LRP1B: variants seen among roughly 807,000 people sequenced by gnomAD.
The protein encoded by LRP1B is LDL receptor related protein 1B.
In LRP1B, 217 loss-of-function variants were observed where a neutral mutation model predicts 556.6. The observed-to-expected ratio is 0.39, with a 90% confidence interval of 0.35 to 0.44. The LOEUF is 0.44. LRP1B is among the 20% of genes least tolerant of loss of function. The probability of loss-of-function intolerance (pLI) is 1.00; values close to 1 mark genes in which losing one functional copy is unlikely to be tolerated. For missense variants in LRP1B, 5,053 were observed against 5,620.8 expected (o/e 0.90, Z 3.23); for synonymous variants, 2,047 against 1,865.8 (o/e 1.10, Z -2.50).
Position 140,525,908 on chromosome 2 carries a change from C to A in LRP1B, c.7962G>T (p.Leu2654=), listed in dbSNP as rs1446193549. 6.2e-7 allele frequency: 1 copy of A among 1,612,372 alleles called. No individual in the cohort carries two copies. The highest frequency in any genetic ancestry group is 1.1e-5 in the South Asian group (1 of 91,046). ...TAGACCCGTCGCATATCCAGGTTGG[C>A]AGAACACACAGTGAGGTAGAATTAC... ...IRCNSTSLCV[L]PTWICDGSND... Residue 2654 remains leucine (L), a synonymous_variant, in exon 49 of 91, where the codon CTG becomes CTT. Transcript: ENST00000389484.
At chr2:141,549,898 G>C (rs1685688372) in intron 2 of LRP1B, among the ~76,000 whole-genome samples, 2 of 152,154 alleles carry the variant, frequency 1.3e-5, no homozygotes, top group African/African-American at 4.8e-5. Flanking sequence ...AGGAGGCTGA[G>C]GCAGGAGAAT....
chr2:140,376,008 C>T (rs1013510137), intron 68 of LRP1B, among the ~76,000 whole-genome samples: 1 of 149,894 alleles, frequency 6.7e-6, no homozygotes, highest in East Asian at 1.9e-4. Flanking sequence ...TTTCTAGCCA[C>T]TTGTTCAGTT....
At chr2:140,466,312 G>A (rs543025569) in intron 60 of LRP1B, among the ~76,000 whole-genome samples, 64 of 152,054 alleles carry the variant, frequency 4.2e-4, no homozygotes, top group Middle Eastern at 6.8e-3. Context: ...AACATGCTGA[G>A]ATCTAGATTC....
chr2:140,993,946 C>A (rs2105358519), intron 16 of LRP1B, 49 bp downstream of exon 16: 2 of 1,591,798 alleles, frequency 1.3e-6, no homozygotes, highest in South Asian at 2.2e-5. Flanking sequence ...TTCACACACT[C>A]AAAGACTCAG....
At chr2:140,785,515 A>C (rs535703627) in intron 32 of LRP1B, among the ~76,000 whole-genome samples, 1 of 152,278 alleles carries the variant, frequency 6.6e-6, no homozygotes, top group South Asian at 2.1e-4. Flanking sequence ...AAGTCAAATA[A>C]TATCTACAAC....
intron 3 of LRP1B, among the ~76,000 whole-genome samples, chr2:141,378,425 G>C (rs768486679): frequency 3.9e-5 from 6 of 152,268 alleles, no homozygotes; most frequent in Middle Eastern, 6.8e-3. Flanking sequence ...TATAATTAAA[G>C]AGCACATGGT....
At chr2:140,287,869 TTTTAA>T (rs777852944) in intron 84 of LRP1B, among the ~76,000 whole-genome samples, 6 of 150,330 alleles carry the variant, frequency 4.0e-5, no homozygotes, top group Non-Finnish European at 5.9e-5. Flanking sequence ...TGACGTTACA[TTTTAA>T]TTTAACTTTG....
intron 2 of LRP1B, among the ~76,000 whole-genome samples, chr2:141,745,021 C>T (rs192614693): frequency 3.1e-4 from 47 of 152,270 alleles, no homozygotes; most frequent in Admixed American, 1.5e-3. Context: ...GTTCTTTTCT[C>T]TTACTTTCTC....
chr2:141,265,848 T>A (rs1430319977), intron 3 of LRP1B, among the ~76,000 whole-genome samples: 2 of 152,216 alleles, frequency 1.3e-5, no homozygotes, highest in African/African-American at 4.8e-5. Flanking sequence ...AATACAGCTA[T>A]CTGTTAAAAA....
chr2:141,107,885 G>A (rs1338546543), intron 7 of LRP1B, among the ~76,000 whole-genome samples: 1 of 152,000 alleles, frequency 6.6e-6, no homozygotes, highest in African/African-American at 2.4e-5. Context: ...CAACGTGTAT[G>A]TAACTAAGTG....
At chr2:141,338,024 A>G (rs764398504) in intron 3 of LRP1B, among the ~76,000 whole-genome samples, 2 of 152,198 alleles carry the variant, frequency 1.3e-5, no homozygotes, top group Admixed American at 6.5e-5. Flanking sequence ...CTAGCAGGCA[A>G]TCAACCTGGT....
At chr2:140,848,699 T>C (rs1260235044) in intron 29 of LRP1B, among the ~76,000 whole-genome samples, 3 of 152,196 alleles carry the variant, frequency 2.0e-5, no homozygotes, top group Non-Finnish European at 4.4e-5. Context: ...CAAATTTAGG[T>C]TGAAGAGAAA....
At chr2:142,123,609 A>G (rs1039045818) in intron 1 of LRP1B, among the ~76,000 whole-genome samples, 1 of 151,860 alleles carries the variant, frequency 6.6e-6, no homozygotes, top group African/African-American at 2.4e-5. Context: ...GATGAAATGT[A>G]ATGTCGGTAT....
At chr2:141,226,269 T>C (rs1351730209) in intron 6 of LRP1B, among the ~76,000 whole-genome samples, 1 of 152,160 alleles carries the variant, frequency 6.6e-6, no homozygotes. Context: ...TCTGCATTCT[T>C]TTTAGCCATC....
Position 141,922,415 on chromosome 2 carries a change from C to T in LRP1B, c.83-112014G>A, listed in dbSNP as rs574327677. Among the ~76,000 whole-genome samples, 39 of 152,252 alleles carry T rather than the reference C, an allele frequency of 2.6e-4. No individual in the cohort carries two copies. The South Asian group carries it at 7.9e-3, about 31-fold the overall frequency. On this transcript the variant is annotated intron_variant, in intron 1 of 90. Coordinates refer to ENST00000389484, the MANE Select transcript of LRP1B (RefSeq NM_018557.3). ...AGCCTCCTGGCAAAAATGTATGCTA[C>T]TGTTTACAGTTCAGTTAAAACGTCA...
At chr2:141,620,524 A>C (rs1264258724) in intron 2 of LRP1B, among the ~76,000 whole-genome samples, 1 of 152,244 alleles carries the variant, frequency 6.6e-6, no homozygotes, top group Non-Finnish European at 1.5e-5. Context: ...ATTTCATTAC[A>C]GACATATTGG....
chr2:140,523,796 C>T (rs1351537049), intron 49 of LRP1B, among the ~76,000 whole-genome samples: 2 of 151,846 alleles, frequency 1.3e-5, no homozygotes, highest in East Asian at 3.9e-4. Flanking sequence ...TGGACTCCTA[C>T]CTCTTATCAT....
intron 3 of LRP1B, among the ~76,000 whole-genome samples, chr2:141,475,812 A>ATCT (rs1682683393): frequency 6.6e-6 from 1 of 152,072 alleles, no homozygotes; most frequent in South Asian, 2.1e-4. Flanking sequence ...CCAAGGGAAG[A>ATCT]TCATCTCCCC....
chr2:141,700,730 T>C (rs997885822), intron 2 of LRP1B, among the ~76,000 whole-genome samples: 2 of 151,730 alleles, frequency 1.3e-5, no homozygotes, highest in African/African-American at 4.8e-5. Flanking sequence ...AACCTAAAAA[T>C]ATTACACGAA....
Sources: allele counts gnomAD v4.1 joint callset (sites outside exome capture counted in the v4.1 genomes callset), GRCh38; gene constraint gnomAD v4.1.1; transcripts MANE v1.5; gene names NCBI Gene and HGNC (gene_info 2026-07-23, HGNC 2026-07-21).